Variants in WWOX observed in about 807,000 individuals in gnomAD.
WWOX encodes the protein WW domain containing oxidoreductase.
Under a neutral mutation model 46.2 loss-of-function variants are expected in WWOX, and 69 were observed. The observed-to-expected ratio is 1.49, with a 90% CI of 1.23 to 1.82. The LOEUF (loss-of-function observed/expected upper bound fraction) is 1.82, where lower values mean the gene tolerates loss of function less well. Ranked by LOEUF, WWOX falls within the 40% of genes most tolerant of loss-of-function variation. The pLI is 0.00. For missense variants in WWOX, 919 were observed against 542.6 expected (o/e 1.69, Z -6.89); for synonymous variants, 359 against 202.6 (o/e 1.77, Z -6.56).
intron 8 of WWOX, among the ~76,000 whole-genome samples, chr16:78,805,474 A>G (rs2142678336): frequency 6.6e-6 from 1 of 151,642 alleles, no homozygotes; most frequent in South Asian, 2.1e-4. Flanking sequence ...TCGTAGAGTC[A>G]GGGTTTCACA....
intron 8 of WWOX, among the ~76,000 whole-genome samples, chr16:78,438,584 G>A (rs1242540955): frequency 4.6e-5 from 7 of 152,094 alleles, no homozygotes; most frequent in Admixed American, 1.3e-4. Flanking sequence ...TTGCCTCTTA[G>A]GAGTGTTTTG....
chr16:79,188,246 C>G (rs1028728128), intron 8 of WWOX, among the ~76,000 whole-genome samples: 1 of 152,186 alleles, frequency 6.6e-6, no homozygotes, highest in Non-Finnish European at 1.5e-5. Context: ...GAAACACACA[C>G]TTTTGCCCTC....
Position 78,345,868 on chromosome 16 carries a change from C to T in WWOX, c.517-40992C>T, listed in dbSNP as rs537046605. On this transcript the variant is annotated intron_variant, in intron 5 of 8. Transcript: ENST00000566780. ...TGGATTGGTTTGATCAACTTTGTTG[C>T]GGTCTAATTTATGTAAAATAAATTG... 1.0e-4 allele frequency among the ~76,000 whole-genome samples: 12 copies of T among 118,886 alleles called. 3 individuals are homozygous for T. The highest frequency in any genetic ancestry group is 5.8e-4 in the East Asian group (3 of 5,148). 78.0% of individuals were successfully genotyped at this position (118,886 alleles called of 152,430 possible).
At chr16:79,173,269 A>G (rs974097729) in intron 8 of WWOX, among the ~76,000 whole-genome samples, 2 of 147,708 alleles carry the variant, frequency 1.4e-5, no homozygotes, top group African/African-American at 5.0e-5. Flanking sequence ...TTCCACAGGA[A>G]GGGAACCCTG....
At chr16:79,188,693 C>G (rs2051068439) in intron 8 of WWOX, among the ~76,000 whole-genome samples, 1 of 152,248 alleles carries the variant, frequency 6.6e-6, no homozygotes, top group Non-Finnish European at 1.5e-5. Context: ...CTCCAAGTCT[C>G]TTAGCACAAA....
chr16:79,138,747 G>A (rs769667788), intron 8 of WWOX, among the ~76,000 whole-genome samples: 5 of 152,172 alleles, frequency 3.3e-5, no homozygotes, highest in East Asian at 3.9e-4. Context: ...TAGACTGTGA[G>A]TCTCCAGAGG....
chr16:78,565,956 G>A (rs2044554501), intron 8 of WWOX, among the ~76,000 whole-genome samples: 1 of 141,104 alleles, frequency 7.1e-6, no homozygotes, highest in African/African-American at 2.7e-5. Context: ...CGATTGTTTT[G>A]TCTGCCTGGA....
chr16:79,056,215 C>CAAAAAAA (rs199968406), intron 8 of WWOX, among the ~76,000 whole-genome samples: 1 of 139,130 alleles, frequency 7.2e-6, no homozygotes, highest in Non-Finnish European at 1.6e-5. Flanking sequence ...GTCACTAGAC[C>CAAAAAAA]AAAAAAAAAA....
chr16:78,927,187 G>A (rs924570264), intron 8 of WWOX, among the ~76,000 whole-genome samples: 1 of 152,214 alleles, frequency 6.6e-6, no homozygotes, highest in African/African-American at 2.4e-5. Context: ...TTTGAGGAGA[G>A]AATGAGGTAT....
intron 8 of WWOX, among the ~76,000 whole-genome samples, chr16:78,716,188 T>A (rs1241826285): frequency 2.0e-5 from 3 of 151,822 alleles, no homozygotes; most frequent in Non-Finnish European, 4.4e-5. Flanking sequence ...GAAGATGATG[T>A]GAAGAAAAAC....
chr16:79,013,294 A>C (rs1597276748), intron 8 of WWOX, among the ~76,000 whole-genome samples: 1 of 152,114 alleles, frequency 6.6e-6, no homozygotes, highest in African/African-American at 2.4e-5. Context: ...GCCTGTCCTC[A>C]TGCGCTCTGA....
At chr16:78,734,025 A>G (rs186121172) in intron 8 of WWOX, among the ~76,000 whole-genome samples, 112 of 152,174 alleles carry the variant, frequency 7.4e-4, no homozygotes, top group South Asian at 3.5e-3. Context: ...ATGCCACTGC[A>G]CTGTAGCCTG....
intron 5 of WWOX, among the ~76,000 whole-genome samples, chr16:78,222,461 G>A (rs1336407288): frequency 6.6e-6 from 1 of 151,764 alleles, no homozygotes. Flanking sequence ...ACTGGGAGGA[G>A]AAAAAAATGA....
chr16:79,195,379 A>T (rs144316864), intron 8 of WWOX, among the ~76,000 whole-genome samples: 41 of 152,284 alleles, frequency 2.7e-4, no homozygotes, highest in African/African-American at 9.6e-4. Flanking sequence ...TCAGAGATGC[A>T]AGGAGGTCAG....
intron 8 of WWOX, among the ~76,000 whole-genome samples, chr16:79,177,000 C>A (rs1041159728): frequency 1.3e-5 from 2 of 152,094 alleles, no homozygotes; most frequent in Admixed American, 6.5e-5. Flanking sequence ...ATAATAAAAT[C>A]TTTTAATTGT....
At position 78,814,797 on chromosome 16, in the gene WWOX, G is replaced by T. The variant is rs148102937; in HGVS notation, c.1056+382045G>T. 8.9e-3 allele frequency among the ~76,000 whole-genome samples: 1,353 copies of T among 152,260 alleles called. 13 individuals are homozygous for T. Among genetic ancestry groups the T allele is most frequent in the Non-Finnish European group, 0.015 (1,044 of 68,012 alleles). On this transcript the variant is annotated intron_variant, in intron 8 of 8. Transcript: ENST00000566780. ...CCAAGGCCTTCTGGTTGAAGTTGGG[G>T]AACTGTGGGCGTTGTCCCCACTAGT...
chr16:78,809,956 G>C (rs1191532758), intron 8 of WWOX, among the ~76,000 whole-genome samples: 1 of 152,140 alleles, frequency 6.6e-6, no homozygotes, highest in Non-Finnish European at 1.5e-5. Context: ...GGGGACCCTT[G>C]GTATCCTGTT....
rs1597415324 is a variant in WWOX, at chr16:78,261,579, C to T, written c.516+97290C>T. Reference sequence around the variant, plus strand: ...GTATGTATTTTTGCATATATACCTGCAAGCATTTGTCCTTTTAACCTTAGG... The same window carrying T: ...GTATGTATTTTTGCATATATACCTGTAAGCATTTGTCCTTTTAACCTTAGG... On this transcript the variant is annotated intron_variant, in intron 5 of 8. Coordinates refer to ENST00000566780, the MANE Select transcript of WWOX (RefSeq NM_016373.4). 2.7e-5 allele frequency among the ~76,000 whole-genome samples: 4 copies of T among 150,118 alleles called. No homozygotes were observed. In the South Asian group the frequency reaches 8.4e-4, roughly 31 times the overall value.
intron 8 of WWOX, among the ~76,000 whole-genome samples, chr16:78,548,627 G>A (rs2044104144): frequency 6.6e-6 from 1 of 152,158 alleles, no homozygotes; most frequent in African/African-American, 2.4e-5. Context: ...GACTCTAAAT[G>A]ATTTTGCCTT....
Sources: allele counts gnomAD v4.1 joint callset (sites outside exome capture counted in the v4.1 genomes callset), GRCh38; gene constraint gnomAD v4.1.1; transcripts MANE v1.5; gene names NCBI Gene and HGNC (gene_info 2026-07-23, HGNC 2026-07-21).